ADARB2: variants seen among roughly 807,000 people sequenced by gnomAD.
ADARB2 encodes the protein adenosine deaminase RNA specific B2 (inactive).
ADARB2 carries 25 observed loss-of-function variants against 62.2 expected under a neutral mutation model. The ratio of observed to expected loss-of-function variants is 0.40; its 90% CI spans 0.29 to 0.56. The LOEUF is 0.56. Among genes scored for constraint, ADARB2 ranks in the 20% least tolerant of loss-of-function variants. The probability of loss-of-function intolerance (pLI) is 0.43; values close to 1 mark genes in which losing one functional copy is unlikely to be tolerated. For missense variants in ADARB2, 1,071 were observed against 1,077.4 expected, an observed-to-expected ratio of 0.99 and a Z score of 0.08; for synonymous variants, 572 against 500.8, an observed-to-expected ratio of 1.14 and a Z score of -1.90.
chr10:1,736,187 C>T (rs1298398913), intron 1 of ADARB2, among the ~76,000 whole-genome samples: 1 of 152,200 alleles, frequency 6.6e-6, no homozygotes, highest in African/African-American at 2.4e-5. Flanking sequence ...AGAGAAGGGT[C>T]GGCATGAGAA....
chr10:1,246,622 A>G (rs1830988283), intron 4 of ADARB2, among the ~76,000 whole-genome samples: 2 of 103,776 alleles, frequency 1.9e-5, no homozygotes, highest in Non-Finnish European at 3.9e-5. Context: ...TGTTTTTCTC[A>G]GGTTTGTCAA....
chr10:1,387,487 A>T (rs1468018257), intron 1 of ADARB2, among the ~76,000 whole-genome samples: 1 of 152,026 alleles, frequency 6.6e-6, no homozygotes, highest in Non-Finnish European at 1.5e-5. Context: ...ATTGTATGCT[A>T]GTCAGTGAAA....
At chr10:1,394,941 G>A (rs771598169) in intron 1 of ADARB2, 3 of 453,804 alleles carry the variant, frequency 6.6e-6, no homozygotes, top group Non-Finnish European at 1.3e-5. Context: ...TCTTTCTTTC[G>A]ACAAGATCTT....
intron 1 of ADARB2, among the ~76,000 whole-genome samples, chr10:1,722,523 A>G (rs1835105630): frequency 6.6e-6 from 1 of 152,250 alleles, no homozygotes; most frequent in Admixed American, 6.5e-5. Flanking sequence ...GGTAACCCAA[A>G]GCATGAGTAT....
chr10:1,533,218 G>A (rs970147095), intron 1 of ADARB2, among the ~76,000 whole-genome samples: 8 of 151,294 alleles, frequency 5.3e-5, no homozygotes, highest in South Asian at 4.2e-4. Context: ...TCCCTGGTTC[G>A]AGCGATTCTC....
chr10:1,207,198 T>C (rs1837079957), intron 7 of ADARB2, among the ~76,000 whole-genome samples: 1 of 151,960 alleles, frequency 6.6e-6, no homozygotes, highest in African/African-American at 2.4e-5. Context: ...AATACAAAAA[T>C]TAGCCGGGAA....
intron 1 of ADARB2, among the ~76,000 whole-genome samples, chr10:1,399,446 G>A (rs1257623156): frequency 3.3e-5 from 5 of 150,686 alleles, no homozygotes; most frequent in Non-Finnish European, 7.4e-5. Context: ...TTTTTTTTTG[G>A]CTCCTGGTTT....
chr10:1,717,520 TTTCCTTTCTTTCC>T (rs1835035328), intron 1 of ADARB2, among the ~76,000 whole-genome samples: 1 of 148,128 alleles, frequency 6.8e-6, no homozygotes, highest in African/African-American at 2.5e-5. Flanking sequence ...TCTCTCTCTC[TTTCCTTTCTTTCC>T]TTCCTTCCTT....
intron 3 of ADARB2, among the ~76,000 whole-genome samples, chr10:1,284,101 A>G (rs1831392061): frequency 6.6e-6 from 1 of 152,166 alleles, no homozygotes; most frequent in Admixed American, 6.5e-5. Flanking sequence ...CTGTTAATTC[A>G]TCAAATATTT....
At chr10:1,677,378 T>C (rs1834479136) in intron 1 of ADARB2, among the ~76,000 whole-genome samples, 1 of 152,172 alleles carries the variant, frequency 6.6e-6, no homozygotes. Context: ...CCCTAAATGA[T>C]AGAACATGCT....
chr10:1,485,530 C>A (rs1044095932), intron 1 of ADARB2, among the ~76,000 whole-genome samples: 5 of 152,164 alleles, frequency 3.3e-5, no homozygotes, highest in African/African-American at 1.2e-4. Context: ...CAGTCTCTGG[C>A]CGCTGCCCAC....
intron 4 of ADARB2, among the ~76,000 whole-genome samples, chr10:1,266,146 C>T (rs1589170247): frequency 6.6e-6 from 1 of 152,166 alleles, no homozygotes; most frequent in African/African-American, 2.4e-5. Flanking sequence ...CCGGAAGACA[C>T]GGTCCACGCC....
At chr10:1,470,141 T>C (rs1831302724) in intron 1 of ADARB2, among the ~76,000 whole-genome samples, 1 of 91,388 alleles carries the variant, frequency 1.1e-5, no homozygotes, top group African/African-American at 2.9e-5. Flanking sequence ...GTCCATCCCG[T>C]CTCACACCTT....
At chr10:1,364,588 G>GA (rs1832296593) in intron 2 of ADARB2, among the ~76,000 whole-genome samples, 1 of 152,100 alleles carries the variant, frequency 6.6e-6, no homozygotes. Context: ...AAGTATTCGG[G>GA]AAAAAATGGA....
At chr10:1,554,184 T>A (rs1229683831) in intron 1 of ADARB2, among the ~76,000 whole-genome samples, 2 of 152,186 alleles carry the variant, frequency 1.3e-5, no homozygotes, top group African/African-American at 4.8e-5. Context: ...GGGTGGCCTG[T>A]GCCCTAGGCT....
intron 1 of ADARB2, among the ~76,000 whole-genome samples, chr10:1,611,320 C>T (rs1833569911): frequency 1.3e-5 from 2 of 152,216 alleles, no homozygotes; most frequent in African/African-American, 2.4e-5. Context: ...ATCTGTAATA[C>T]TCAGTTCCTC....
At chr10:1,221,905 G>C (rs926398146) in intron 6 of ADARB2, among the ~76,000 whole-genome samples, 1 of 152,200 alleles carries the variant, frequency 6.6e-6, no homozygotes, top group African/African-American at 2.4e-5. Flanking sequence ...ATAGCAGCAT[G>C]ATTTATAATC....
chr10:1,333,450 C>T (rs1433265083), intron 3 of ADARB2, among the ~76,000 whole-genome samples: 1 of 152,172 alleles, frequency 6.6e-6, no homozygotes, highest in African/African-American at 2.4e-5. Flanking sequence ...CTCCCAGGTC[C>T]AGGACCTCAA....
intron 2 of ADARB2, among the ~76,000 whole-genome samples, chr10:1,378,821 A>T (rs192554712): frequency 2.6e-5 from 4 of 152,210 alleles, no homozygotes; most frequent in Non-Finnish European, 4.4e-5. Context: ...GTAGGTGGAG[A>T]TAGGATTCTG....
Sources: allele counts gnomAD v4.1 joint callset (sites outside exome capture counted in the v4.1 genomes callset), GRCh38; gene constraint gnomAD v4.1.1; transcripts MANE v1.5; gene names NCBI Gene and HGNC (gene_info 2026-07-23, HGNC 2026-07-21).